Variants in ADCY3 observed in about 807,000 individuals in gnomAD.
ADCY3 encodes the protein adenylate cyclase 3.
Under a neutral mutation model 119.4 loss-of-function variants are expected in ADCY3, and 70 were observed. That is an observed-to-expected ratio of 0.59 (90% CI 0.48 to 0.72). The LOEUF (loss-of-function observed/expected upper bound fraction) is 0.72, where lower values mean the gene tolerates loss of function less well. Among genes scored for constraint, ADCY3 ranks in the 30% least tolerant of loss-of-function variants. The pLI is 0.00. For missense variants in ADCY3, 1,238 were observed against 1,541.6 expected (o/e 0.80, Z 3.30); for synonymous variants, 672 against 621.4 (o/e 1.08, Z -1.21).
intron 11 of ADCY3, among the ~76,000 whole-genome samples, chr2:24,833,104 G>T (rs1042467476): frequency 7.9e-5 from 12 of 152,228 alleles, no homozygotes; most frequent in Admixed American, 7.9e-4. Flanking sequence ...CCGCTATTTG[G>T]TCTCACTGCT....
rs1236805904 is a variant in ADCY3 at position 24,862,181 on chromosome 2, TCTGGGTCC to T, written c.825+10381_825+10388del. Among the ~76,000 whole-genome samples, 218 of 133,872 alleles carry T rather than the reference TCTGGGTCC, an allele frequency of 1.6e-3. 1 individual carries two copies. The highest frequency in any genetic ancestry group is 5.4e-3 in the African/African-American group (215 of 40,076). 87.8% of individuals were successfully genotyped at this position (133,872 alleles called of 152,430 possible). A position where few individuals can be genotyped will look rare whatever the true frequency, so the allele number is the denominator to read the frequency against. On this transcript the variant is annotated intron_variant, in intron 3 of 21. Coordinates refer to ENST00000679454, the MANE Select transcript of ADCY3 (RefSeq NM_004036.5). ...ATAGGACTGTGGGACTGTGCTAGGG[TCTGGGTCC>T]CTTGTCCTCACGTGCAAGGCCTGTC...
At chr2:24,829,023 T>TTTC (rs750317051) in intron 13 of ADCY3, among the ~76,000 whole-genome samples, 3 of 37,260 alleles carry the variant, frequency 8.1e-5, no homozygotes, top group Non-Finnish European at 7.6e-5. Flanking sequence ...CTTTTTTTTC[T>TTTC]TTTTTTTTTT....
intron 2 of ADCY3, among the ~76,000 whole-genome samples, chr2:24,876,409 TAC>T (rs1675720049): frequency 6.6e-6 from 1 of 152,212 alleles, no homozygotes; most frequent in Non-Finnish European, 1.5e-5. Context: ...ACAGCCTCCA[TAC>T]ACAGTGGTGG....
At chr2:24,896,016 C>T (rs6545800) in intron 2 of ADCY3, among the ~76,000 whole-genome samples, 79,962 of 152,026 alleles carry the variant, frequency 0.53, 23,345 homozygotes, top group African/African-American at 0.8. Context: ...ACTGGATCTT[C>T]TTATACTTTC....
At chr2:24,860,461 C>T (rs1019096958) in intron 3 of ADCY3, among the ~76,000 whole-genome samples, 6 of 152,240 alleles carry the variant, frequency 3.9e-5, no homozygotes, top group Non-Finnish European at 8.8e-5. Flanking sequence ...GCAAAGAGGA[C>T]GCTTCGCATG....
intron 2 of ADCY3, among the ~76,000 whole-genome samples, chr2:24,887,404 C>T (rs1036522023): frequency 3.3e-5 from 5 of 152,110 alleles, no homozygotes; most frequent in African/African-American, 4.8e-5. Flanking sequence ...CTTCCACCTG[C>T]GAGCTCCACG....
Position 24,918,298 on chromosome 2 carries a change from G to T in ADCY3, c.675+15C>A. The T allele has an allele frequency of 6.5e-7, 1 of 1,535,150 alleles. No homozygotes were observed. Among genetic ancestry groups the T allele is most frequent in the South Asian group, 1.3e-5 (1 of 78,536 alleles). ...CAGGAGAGGACGCTGTGGGGGGACA[G>T]TGGGCAGGACTCACCTCCCGCAGCA... On this transcript the variant is annotated intron_variant, in intron 2 of 21. Transcript: ENST00000679454. The surrounding 1 kb of genome is among the most constrained non-coding windows in gnomAD (Gnocchi z 5.4).
At position 24,827,611 on chromosome 2, in the gene ADCY3, G is replaced by T; in HGVS notation, c.2433-3C>A. The T allele has an allele frequency of 6.3e-7, 1 of 1,582,856 alleles. No individual in the cohort carries two copies. The highest frequency in any genetic ancestry group is 8.6e-7 in the Non-Finnish European group (1 of 1,161,296). ...GCTCTAAGGCCACCATAGGTAAGCT[G>T]TTGGACAGATAACAGCACAGTCAGG... On this transcript the variant is annotated splice_region_variant and splice_polypyrimidine_tract_variant and intron_variant, in intron 14 of 21. Coordinates refer to ENST00000679454, the MANE Select transcript of ADCY3 (RefSeq NM_004036.5).
At position 24,898,906 on chromosome 2, in the gene ADCY3, G is replaced by A. The variant is rs1465194422; in HGVS notation, c.675+19407C>T. 6.6e-6 allele frequency among the ~76,000 whole-genome samples: 1 copy of A among 152,144 alleles called. No individual in the cohort carries two copies. Among genetic ancestry groups the A allele is most frequent in the Non-Finnish European group, 1.5e-5 (1 of 68,016 alleles). On this transcript the variant is annotated intron_variant, in intron 2 of 21. Coordinates refer to ENST00000679454, the MANE Select transcript of ADCY3 (RefSeq NM_004036.5). This position sits in a 1 kb window ranked among gnomAD's most constrained non-coding sequence, Gnocchi z 4.3. ...ACCGCCAGAGAACTCCAGCGCGGAC[G>A]CCAAGCACGACCACGGCAGGTGACC... is the stretch of plus-strand genomic sequence containing the variant.
chr2:24,827,831 G>T (rs897855322), intron 14 of ADCY3, 71 bp downstream of exon 14: 1 of 1,594,608 alleles, frequency 6.3e-7, no homozygotes, highest in Non-Finnish European at 8.6e-7. Context: ...ACAGGCCCAT[G>T]AGCTTGAACT....
chr2:24,831,806 G>C, intron 11 of ADCY3, 57 bp from the exon 12 acceptor site: 1 of 1,328,030 alleles, frequency 7.5e-7, no homozygotes, highest in Non-Finnish European at 1.1e-6. Context: ...GATGGGGTGA[G>C]GGGCTAGGAG....
In ADCY3 at chr2:24,827,904, G is replaced by C; in HGVS notation, c.2430C>G (p.His810Gln). Reference sequence around the variant, plus strand: ...TCCCCAGTCACGCTTCATCTTACTCGTGCTCCCGAAAACGCTTGTGGTCGT... The same window carrying C: ...TCCCCAGTCACGCTTCATCTTACTCCTGCTCCCGAAAACGCTTGTGGTCGT... ...DEYDHKRFRE[H>Q]DLPMVALEQM... Residue 810 changes from histidine (H) to glutamine (Q), a missense_variant and splice_region_variant, in exon 14 of 22, where the codon CAC (histidine) becomes CAG (glutamine). Transcript: ENST00000679454. 1.2e-6 allele frequency: 2 copies of C among 1,613,982 alleles called. No individual in the cohort carries two copies. The highest frequency in any genetic ancestry group is 1.7e-6 in the Non-Finnish European group (2 of 1,179,958).
chr2:24,827,589 C>G lies in ADCY3; in HGVS notation c.2452G>C (p.Glu818Gln), dbSNP rs1484597931. 2.5e-6 allele frequency: 4 copies of G among 1,588,186 alleles called. No individual in the cohort carries two copies. Among genetic ancestry groups the G allele is most frequent in the East Asian group, 2.3e-5 (1 of 44,176 alleles). ...REHDLPMVAL[E>Q]QMQGFNPGLN... ...CCAGGGTTGAATCCTTGCATCTGCT[C>G]TAAGGCCACCATAGGTAAGCTGTTG... The change falls in exon 15 of 22, where the codon GAG becomes CAG. Residue 818 changes from glutamate to glutamine, a missense_variant. Physicochemically the swap from Glu to Gln is conservative, Grantham distance 29 (BLOSUM62 2). This residue lies in a region of ADCY3 where 499 missense variants were observed against 571.0 expected (regional missense o/e 0.87). Coordinates refer to ENST00000679454, the MANE Select transcript of ADCY3 (RefSeq NM_004036.5).
chr2:24,900,508 C>A (rs964302827), intron 2 of ADCY3, among the ~76,000 whole-genome samples: 2 of 151,984 alleles, frequency 1.3e-5, no homozygotes, highest in Admixed American at 1.3e-4. Context: ...TGTTTGTGTC[C>A]CGCAGCTAGG....
At chr2:24,859,624 G>GA (rs1249645165) in intron 3 of ADCY3, among the ~76,000 whole-genome samples, 1 of 152,226 alleles carries the variant, frequency 6.6e-6, no homozygotes, top group African/African-American at 2.4e-5. Context: ...CCAAGCTTAG[G>GA]AAATGGCAGC....
chr2:24,862,274 C>T (rs1024932343), intron 3 of ADCY3, among the ~76,000 whole-genome samples: 2 of 152,120 alleles, frequency 1.3e-5, no homozygotes, highest in Admixed American at 6.5e-5. Flanking sequence ...TAGCCGGGCG[C>T]GGTGGCTCAC....
At chr2:24,837,813 G>A (rs1223265758) in intron 8 of ADCY3, among the ~76,000 whole-genome samples, 1 of 152,126 alleles carries the variant, frequency 6.6e-6, no homozygotes, top group Admixed American at 6.5e-5. Context: ...AGTGCTTCAG[G>A]TCTGTAGATA....
chr2:24,908,149 C>G (rs184903592), intron 2 of ADCY3, among the ~76,000 whole-genome samples: 370 of 152,168 alleles, frequency 2.4e-3, no homozygotes, highest in African/African-American at 8.6e-3. Flanking sequence ...TGGAGAAACC[C>G]CATCTCTACT....
chr2:24,865,309 G>A (rs1674140498), intron 3 of ADCY3, among the ~76,000 whole-genome samples: 1 of 152,124 alleles, frequency 6.6e-6, no homozygotes, highest in Admixed American at 6.5e-5. Context: ...GGCAGGCGTG[G>A]TGGTGCATGC....
Sources: gnomAD v4.1 joint callset for allele counts (sites outside exome capture counted in the v4.1 genomes callset) on GRCh38, gnomAD v4.1.1 for gene constraint, gnomAD v4.1.1 regional missense constraint, Gnocchi (gnomAD v3.1) non-coding constraint, MANE v1.5 for transcripts, NCBI Gene and HGNC (gene_info 2026-07-23, HGNC 2026-07-21) for gene names.